Variants in FRMD4A observed in about 807,000 individuals in gnomAD.
FRMD4A encodes FERM domain containing 4A.
In FRMD4A, 29 loss-of-function variants were observed where a neutral mutation model predicts 129.1. The ratio of observed to expected loss-of-function variants is 0.22; its 90% CI spans 0.17 to 0.31. The LOEUF (loss-of-function observed/expected upper bound fraction) is 0.31. Among genes scored for constraint, FRMD4A ranks in the 10% least tolerant of loss-of-function variants. FRMD4A has a pLI of 1.00. For missense variants in FRMD4A, 1,272 were observed against 1,375.8 expected (o/e 0.92, Z 1.19); for synonymous variants, 634 against 571.6 (o/e 1.11, Z -1.56).
intron 12 of FRMD4A, among the ~76,000 whole-genome samples, chr10:13,718,928 A>G (rs1235174217): frequency 6.6e-6 from 1 of 152,230 alleles, no homozygotes; most frequent in Non-Finnish European, 1.5e-5. Context: ...GGCACCTAGC[A>G]TGTACCTGGG....
At chr10:13,969,516 G>T (rs550182845) in intron 2 of FRMD4A, among the ~76,000 whole-genome samples, 1 of 152,274 alleles carries the variant, frequency 6.6e-6, no homozygotes, top group East Asian at 1.9e-4. Flanking sequence ...CTAAAAAATG[G>T]CCCCTGAGGC....
intron 2 of FRMD4A, among the ~76,000 whole-genome samples, chr10:14,031,235 A>G (rs569006854): frequency 1.1e-4 from 17 of 151,806 alleles, no homozygotes; most frequent in Non-Finnish European, 2.5e-4. Context: ...GGAGACACTA[A>G]TCTTTACTGC....
chr10:14,174,807 A>T (rs1841645761), intron 2 of FRMD4A, among the ~76,000 whole-genome samples: 1 of 151,982 alleles, frequency 6.6e-6, no homozygotes, highest in African/African-American at 2.4e-5. Context: ...CTTTTTAGAG[A>T]AAGTTTCAAA....
chr10:13,888,537 G>C (rs943481138), intron 2 of FRMD4A, among the ~76,000 whole-genome samples: 2 of 152,168 alleles, frequency 1.3e-5, no homozygotes, highest in Admixed American at 6.5e-5. Flanking sequence ...TAAGGTAAGA[G>C]AACTCCTGTT....
Position 13,877,431 on chromosome 10 carries a change from C to A in FRMD4A, c.46-18519G>T, listed in dbSNP as rs145918906. Among the ~76,000 whole-genome samples the A allele has an allele frequency of 3.5e-4, 53 of 152,258 alleles. 1 individual carries two copies. The highest frequency in any genetic ancestry group is 1.3e-3 in the African/African-American group (52 of 41,558). On this transcript the variant is annotated intron_variant, in intron 2 of 24. Transcript: ENST00000357447. ...AATCAGATCAAACCTCTAGTGGCAT[C>A]GGAGCAAGACACATCTGAGAAACAG...
At chr10:13,934,459 C>T (rs1364516080) in intron 2 of FRMD4A, among the ~76,000 whole-genome samples, 1 of 149,032 alleles carries the variant, frequency 6.7e-6, no homozygotes, top group Non-Finnish European at 1.5e-5. Context: ...CCTAGTCATT[C>T]ATTTTAAAAC....
At chr10:13,696,878 G>T (rs2086275199) in intron 14 of FRMD4A, among the ~76,000 whole-genome samples, 1 of 152,172 alleles carries the variant, frequency 6.6e-6, no homozygotes, top group South Asian at 2.1e-4. Flanking sequence ...TCCCAGAGTT[G>T]TGATAACTAA....
intron 2 of FRMD4A, chr10:13,971,691 G>A (rs1297941558): frequency 7.7e-7 from 1 of 1,304,242 alleles, no homozygotes; most frequent in East Asian, 5.5e-5. Context: ...CATGGTTTTA[G>A]CAGCAGCTGC....
At chr10:14,173,508 T>A (rs1015873932) in intron 2 of FRMD4A, among the ~76,000 whole-genome samples, 3 of 152,132 alleles carry the variant, frequency 2.0e-5, no homozygotes, top group African/African-American at 7.2e-5. Flanking sequence ...GCCTCCAGAA[T>A]GCATTAACCT....
At chr10:13,887,512 C>G (rs1478684508) in intron 2 of FRMD4A, among the ~76,000 whole-genome samples, 1 of 152,094 alleles carries the variant, frequency 6.6e-6, no homozygotes, top group Non-Finnish European at 1.5e-5. Flanking sequence ...AACCCCGTCT[C>G]TACTAAAAAT....
intron 2 of FRMD4A, among the ~76,000 whole-genome samples, chr10:14,201,515 G>A (rs1334653612): frequency 6.6e-6 from 1 of 152,172 alleles, no homozygotes; most frequent in Non-Finnish European, 1.5e-5. Flanking sequence ...ACACAGCTGT[G>A]TCTGAGTTGT....
At chr10:14,177,174 C>T (rs1466066619) in intron 2 of FRMD4A, among the ~76,000 whole-genome samples, 2 of 152,104 alleles carry the variant, frequency 1.3e-5, no homozygotes, top group Non-Finnish European at 2.9e-5. Flanking sequence ...AATTTCCAAT[C>T]ATGTACCCTT....
chr10:13,942,643 A>C (rs1219525177), intron 2 of FRMD4A, among the ~76,000 whole-genome samples: 2 of 152,244 alleles, frequency 1.3e-5, no homozygotes, highest in Non-Finnish European at 2.9e-5. Context: ...AAGTTTTAAA[A>C]AAGAGATCTA....
intron 2 of FRMD4A, chr10:14,007,954 C>A: frequency 8.1e-7 from 1 of 1,235,954 alleles, no homozygotes; most frequent in South Asian, 1.4e-5. Context: ...GGAACTCCAA[C>A]TGTTCAGGAA....
intron 15 of FRMD4A, among the ~76,000 whole-genome samples, chr10:13,677,530 C>T (rs769310165): frequency 9.2e-5 from 14 of 152,186 alleles, no homozygotes; most frequent in Non-Finnish European, 2.1e-4. Flanking sequence ...AAGCTTCATC[C>T]GTGACCTCAT....
intron 2 of FRMD4A, among the ~76,000 whole-genome samples, chr10:14,006,314 G>T (rs34600008): frequency 1.1e-4 from 16 of 152,164 alleles, no homozygotes; most frequent in Admixed American, 1.0e-3. Flanking sequence ...CCCATGTAAC[G>T]GTGGGGTGTG....
At chr10:13,985,960 C>T (rs1157518165) in intron 2 of FRMD4A, among the ~76,000 whole-genome samples, 2 of 152,214 alleles carry the variant, frequency 1.3e-5, no homozygotes, top group Non-Finnish European at 2.9e-5. Flanking sequence ...AACGAAGCCC[C>T]TCCCCAGCCC....
At chr10:14,274,616 A>G (rs1201633492) in intron 2 of FRMD4A, among the ~76,000 whole-genome samples, 1 of 152,164 alleles carries the variant, frequency 6.6e-6, no homozygotes, top group Non-Finnish European at 1.5e-5. Flanking sequence ...ATATTTCTCC[A>G]AGGCTGGAAA....
At chr10:13,960,752 G>C (rs1329317281) in intron 2 of FRMD4A, among the ~76,000 whole-genome samples, 1 of 152,148 alleles carries the variant, frequency 6.6e-6, no homozygotes, top group Non-Finnish European at 1.5e-5. Flanking sequence ...TGGGTGTGTG[G>C]TCATGTGACC....
Sources: allele counts gnomAD v4.1 joint callset (sites outside exome capture counted in the v4.1 genomes callset), GRCh38; gene constraint gnomAD v4.1.1; transcripts MANE v1.5; gene names NCBI Gene and HGNC (gene_info 2026-07-23, HGNC 2026-07-21).